Variants in SKA1 observed in about 807,000 individuals in gnomAD.
SKA1 encodes spindle and kinetochore associated complex subunit 1.
A neutral mutation model predicts 31.8 loss-of-function variants in SKA1; 20 were observed. The observed-to-expected ratio is 0.63, with a 90% confidence interval of 0.44 to 0.91. SKA1 has a LOEUF of 0.91. Ranked by LOEUF, SKA1 falls within the 40% of genes least tolerant of loss-of-function variation. The pLI, the probability that SKA1 is intolerant of heterozygous loss-of-function variation, is 0.00. For synonymous variants in SKA1, 88 were observed against 100.5 expected, an observed-to-expected ratio of 0.88 and a Z score of 0.74; for missense variants, 253 against 298.2, an observed-to-expected ratio of 0.85 and a Z score of 1.12.
intron 5 of SKA1, among the ~76,000 whole-genome samples, chr18:50,386,815 G>A (rs2041312445): frequency 6.6e-6 from 1 of 152,144 alleles, no homozygotes; most frequent in Non-Finnish European, 1.5e-5. Flanking sequence ...CTTTTACTTA[G>A]AAATAAGGAT....
At position 50,375,934 on chromosome 18, in the gene SKA1, T is replaced by A. The variant is rs1018131596; in HGVS notation, c.88+16T>A. On this transcript the variant is annotated intron_variant, in intron 2 of 6. Coordinates refer to ENST00000285116, the MANE Select transcript of SKA1 (RefSeq NM_145060.4). ...AGAAACTGTGGTAAGTAAAACAGAT[T>A]CCACTGACTTTGTATATACAAAATG... 5.4e-6 allele frequency: 8 copies of A among 1,482,442 alleles called. No individual in the cohort carries two copies. The highest frequency in any genetic ancestry group is 7.5e-6 in the Non-Finnish European group (8 of 1,069,820). The allele number at this position is 1,482,442 out of a possible 1,614,324, so 91.8% of individuals were successfully genotyped here.
intron 5 of SKA1, among the ~76,000 whole-genome samples, chr18:50,387,553 T>C (rs929066698): frequency 2.0e-5 from 3 of 152,232 alleles, no homozygotes; most frequent in African/African-American, 7.2e-5. Flanking sequence ...TGTTCTTTTT[T>C]GTATTTCTCT....
Position 50,376,527 on chromosome 18 carries a change from C to T in SKA1, c.88+609C>T, listed in dbSNP as rs149318908. ...TATAGGCCACTTACCATTGATGGAGCTTGCAGAACTGGAAGTTGCTGTGGG... is the reference window on the plus strand; with the variant it reads ...TATAGGCCACTTACCATTGATGGAGTTTGCAGAACTGGAAGTTGCTGTGGG... On this transcript the variant is annotated intron_variant, in intron 2 of 6. Transcript: ENST00000285116. 1.3e-3 allele frequency among the ~76,000 whole-genome samples: 189 copies of T among 142,008 alleles called. 2 individuals carry two copies. The highest frequency in any genetic ancestry group is 1.2e-3 in the Admixed American group (17 of 13,608). The allele number at this position is 142,008 out of a possible 152,430, so 93.2% of individuals were successfully genotyped here.
At position 50,393,934 on chromosome 18, in the gene SKA1, G is replaced by C. The variant is rs919027225; in HGVS notation, c.*1687G>C. 6.6e-6 allele frequency: 1 copy of C among 152,148 alleles called. No homozygotes were observed. The highest frequency in any genetic ancestry group is 2.4e-5 in the African/African-American group (1 of 41,420). 9.4% of individuals were successfully genotyped at this position (152,148 alleles called of 1,614,324 possible). A position where few individuals can be genotyped will look rare whatever the true frequency, so the allele number is the denominator to read the frequency against. ...GAGGGGAGAGGGGCTGGAGATTTGT[G>C]TCAATAATCCATCAGGCCTATGTCA... On this transcript the variant is annotated 3_prime_UTR_variant, in exon 7 of 7. Transcript: ENST00000285116.
intron 5 of SKA1, among the ~76,000 whole-genome samples, chr18:50,390,375 C>T (rs79850135): frequency 0.012 from 1,876 of 152,280 alleles, 42 homozygotes; most frequent in East Asian, 0.085. Flanking sequence ...AGCAGATCAT[C>T]AAGTTTTGTT....
In SKA1 at chr18:50,392,430, G is replaced by A. The variant is rs1326430134; in HGVS notation, c.*183G>A. ...GTCACGCAGGCTAGAGTGCAGTGGC[G>A]CAAACATGGCTCACTGCAGCCTCAA... On this transcript the variant is annotated 3_prime_UTR_variant, in exon 7 of 7. Coordinates refer to ENST00000285116, the MANE Select transcript of SKA1 (RefSeq NM_145060.4). The A allele has an allele frequency of 1.1e-5, 4 of 355,786 alleles. No individual in the cohort carries two copies. Among genetic ancestry groups the A allele is most frequent in the Admixed American group, 9.5e-5 (2 of 20,986 alleles). The allele number at this position is 355,786 out of a possible 1,614,324, so 22.0% of individuals were successfully genotyped here. A position where few individuals can be genotyped will look rare whatever the true frequency, so the allele number is the denominator to read the frequency against.
Position 50,380,143 on chromosome 18 carries a change from A to C in SKA1, c.106A>C (p.Lys36Gln). Reference protein sequence around the residue: ...LRNCGQEPTLKTVLNKIGDEI... With the variant: ...LRNCGQEPTLQTVLNKIGDEI... ...TATAACAGGCCAGGAACCTACCTTGAAAACTGTATTAAATAAAATAGGAGA... is the reference window on the plus strand; with the variant it reads ...TATAACAGGCCAGGAACCTACCTTGCAAACTGTATTAAATAAAATAGGAGA... The change falls in exon 3 of 7, where the codon AAA becomes CAA. Residue 36 changes from lysine to glutamine, a missense_variant. Coordinates refer to ENST00000285116, the MANE Select transcript of SKA1 (RefSeq NM_145060.4). 6.5e-7 allele frequency: 1 copy of C among 1,537,410 alleles called. No individual in the cohort carries two copies. The highest frequency in any genetic ancestry group is 1.3e-5 in the South Asian group (1 of 79,316).
At chr18:50,390,190 A>G (rs1358632571) in intron 5 of SKA1, among the ~76,000 whole-genome samples, 2 of 152,190 alleles carry the variant, frequency 1.3e-5, no homozygotes, top group Non-Finnish European at 2.9e-5. Flanking sequence ...ATGAATTTAG[A>G]AAAGAGAGGA....
At position 50,385,248 on chromosome 18, in the gene SKA1, C is replaced by A; in HGVS notation, c.344C>A (p.Pro115Gln). ...GGATCAGATCTTGATCCTGAAGAAC[C>A]AATCAAAGTTGAAGAACCTGAACCC... ...VKGSDLDPEE[P>Q]IKVEEPEPVK... Residue 115 changes from proline to glutamine, a missense_variant, in exon 5 of 7, where the codon CCA becomes CAA. Coordinates refer to ENST00000285116, the MANE Select transcript of SKA1 (RefSeq NM_145060.4). 1.2e-6 allele frequency: 2 copies of A among 1,613,308 alleles called. No individual in the cohort carries two copies. Among genetic ancestry groups the A allele is most frequent in the Non-Finnish European group, 1.7e-6 (2 of 1,179,642 alleles).
intron 5 of SKA1, 87 bp downstream of exon 5, chr18:50,385,440 T>C (rs2149321654): frequency 1.8e-6 from 2 of 1,130,912 alleles, no homozygotes; most frequent in East Asian, 2.7e-5. Flanking sequence ...TTAATTGTAA[T>C]ATGCTATGTT....
Position 50,391,098 on chromosome 18 carries a change from A to G in SKA1, c.450-26A>G, listed in dbSNP as rs747808866. Reference sequence around the variant, plus strand: ...TTTTGTATGATGATTCTTTAAAACAATAATTAGCCATATACTTTTTTACAG... The same window carrying G: ...TTTTGTATGATGATTCTTTAAAACAGTAATTAGCCATATACTTTTTTACAG... On this transcript the variant is annotated intron_variant, in intron 5 of 6. Coordinates refer to ENST00000285116, the MANE Select transcript of SKA1 (RefSeq NM_145060.4). 1.8e-5 allele frequency: 25 copies of G among 1,415,084 alleles called. No individual in the cohort carries two copies. The East Asian group carries it at 4.9e-4, about 28-fold the overall frequency. The allele number at this position is 1,415,084 out of a possible 1,614,324, so 87.7% of individuals were successfully genotyped here. A position where few individuals can be genotyped will look rare whatever the true frequency, so the allele number is the denominator to read the frequency against.
intron 4 of SKA1, among the ~76,000 whole-genome samples, chr18:50,384,720 G>T (rs547563966): frequency 9.2e-6 from 1 of 108,446 alleles, no homozygotes; most frequent in Non-Finnish European, 1.7e-5. Context: ...GTCGGGGGAG[G>T]GGGGAGGGAT....
At chr18:50,378,048 A>G (rs79570886) in intron 2 of SKA1, among the ~76,000 whole-genome samples, 3,324 of 152,254 alleles carry the variant, frequency 0.022, 113 homozygotes, top group African/African-American at 0.076. Context: ...CTTGATTCCC[A>G]TGTTAGTACT....
Position 50,393,168 on chromosome 18 carries a change from TA to T in SKA1, c.*923del. 6.6e-6 allele frequency: 1 copy of T among 152,356 alleles called. No homozygotes were observed. The highest frequency in any genetic ancestry group is 1.5e-5 in the Non-Finnish European group (1 of 68,074). The allele number at this position is 152,356 out of a possible 1,614,324, so 9.4% of individuals were successfully genotyped here. ...GTTGAGTGAACAATGCTGCAGACCC[TA>T]ATAAGATTGGGTACAGATCGGCATG... On this transcript the variant is annotated 3_prime_UTR_variant, in exon 7 of 7. Coordinates refer to ENST00000285116, the MANE Select transcript of SKA1 (RefSeq NM_145060.4).
chr18:50,388,122 C>T (rs1185799571), intron 5 of SKA1, among the ~76,000 whole-genome samples: 1 of 152,182 alleles, frequency 6.6e-6, no homozygotes, highest in African/African-American at 2.4e-5. Flanking sequence ...GAGTCTTGCT[C>T]TGTCGCCCAG....
chr18:50,380,328 T>C lies in SKA1; in HGVS notation c.213+78T>C, dbSNP rs2041253568. The C allele has an allele frequency of 1.5e-5, 20 of 1,377,848 alleles. No homozygotes were observed. The South Asian group carries it at 2.1e-4, about 14-fold the overall frequency. 85.4% of individuals were successfully genotyped at this position (1,377,848 alleles called of 1,614,324 possible). A position where few individuals can be genotyped will look rare whatever the true frequency, so the allele number is the denominator to read the frequency against. ...CTAATCATTAAGTAATTTTTAAGGA[T>C]GCTTTGTTTATAATGTTTTTTGTTT... is the stretch of plus-strand genomic sequence containing the variant. On this transcript the variant is annotated intron_variant, in intron 3 of 6. Transcript: ENST00000285116.
intron 2 of SKA1, among the ~76,000 whole-genome samples, chr18:50,379,632 T>G (rs968574443): frequency 2.0e-5 from 3 of 152,226 alleles, no homozygotes; most frequent in Admixed American, 2.0e-4. Context: ...ACCTTGGATC[T>G]TATCCCTATT....
At chr18:50,390,289 A>C (rs2041346242) in intron 5 of SKA1, among the ~76,000 whole-genome samples, 1 of 152,186 alleles carries the variant, frequency 6.6e-6, no homozygotes, top group Non-Finnish European at 1.5e-5. Flanking sequence ...TTTGACTAGA[A>C]AGCTGCTACT....
At chr18:50,379,046 C>G (rs1320092294) in intron 2 of SKA1, among the ~76,000 whole-genome samples, 1 of 152,050 alleles carries the variant, frequency 6.6e-6, no homozygotes, top group Non-Finnish European at 1.5e-5. Context: ...CTGGTTCACT[C>G]TACTGCCTCC....
Sources: gnomAD v4.1 joint callset for allele counts (sites outside exome capture counted in the v4.1 genomes callset) on GRCh38, gnomAD v4.1.1 for gene constraint, MANE v1.5 for transcripts, NCBI Gene and HGNC (gene_info 2026-07-23, HGNC 2026-07-21) for gene names.